BMP1: variants seen among roughly 807,000 people sequenced by gnomAD.
BMP1 encodes mammalian tolloid protein.
BMP1 carries 63 observed loss-of-function variants against 116.8 expected under a neutral mutation model. The ratio of observed to expected loss-of-function variants is 0.54; its 90% CI spans 0.44 to 0.67. The LOEUF (loss-of-function observed/expected upper bound fraction) is 0.67, where lower values mean the gene tolerates loss of function less well. Ranked by LOEUF, BMP1 falls within the 30% of genes least tolerant of loss-of-function variation. The pLI, the probability that BMP1 is intolerant of heterozygous loss-of-function variation, is 0.00. For missense variants in BMP1, 1,183 were observed against 1,358.9 expected, an observed-to-expected ratio of 0.87 and a Z score of 2.04; for synonymous variants, 536 against 533.4, an observed-to-expected ratio of 1.00 and a Z score of -0.07.
chr8:22,187,894 C>G (rs1463887569), intron 8 of BMP1, among the ~76,000 whole-genome samples: 1 of 152,142 alleles, frequency 6.6e-6, no homozygotes, highest in East Asian at 1.9e-4. Flanking sequence ...TCATTACCCT[C>G]TTAGAAATAA....
chr8:22,200,276 G>A (rs768960961), intron 15 of BMP1, among the ~76,000 whole-genome samples: 5 of 152,318 alleles, frequency 3.3e-5, no homozygotes, highest in African/African-American at 9.6e-5. Flanking sequence ...ACACGTGGCC[G>A]TTGCTCCTCT....
intron 9 of BMP1, chr8:22,192,468 C>T (rs1031946782): frequency 3.3e-5 from 8 of 245,518 alleles, no homozygotes; most frequent in South Asian, 1.8e-4. Flanking sequence ...GGCTGTTCTG[C>T]GCATCCCCAT....
rs149511609 is a variant in BMP1 at position 22,179,669 on chromosome 8, G to A, written c.837-36G>A. On this transcript the variant is annotated intron_variant, in intron 6 of 19. Transcript: ENST00000306385. This position sits in a 1 kb window ranked among gnomAD's most constrained non-coding sequence, Gnocchi z 4.6. ...CACCCACTCCCTGCCCACTGTCCAT[G>A]AGACGCTCACCCTTACTTTTCTCCC... 75 of 1,612,236 alleles carry A rather than the reference G, an allele frequency of 4.7e-5. 1 individual carries two copies. The Middle Eastern group carries it at 1.5e-3, about 32-fold the overall frequency.
At position 22,194,616 on chromosome 8, in the gene BMP1, C is replaced by A; in HGVS notation, c.1443+26C>A. On this transcript the variant is annotated intron_variant, in intron 11 of 19. Coordinates refer to ENST00000306385, the MANE Select transcript of BMP1 (RefSeq NM_006129.5). The surrounding 1 kb of genome is among the most constrained non-coding windows in gnomAD (Gnocchi z 4.5). ...GTAGGTCAGTGGCCCTGTGATCTGA[C>A]CTTTGAATCCAGCAGTTGCTCCCTG... The A allele has an allele frequency of 6.2e-7, 1 of 1,611,448 alleles. No individual in the cohort carries two copies. The highest frequency in any genetic ancestry group is 8.5e-7 in the Non-Finnish European group (1 of 1,178,076).
In BMP1 at chr8:22,194,195, C is replaced by G. The variant is rs200043574; in HGVS notation, c.1297+21C>G. On this transcript the variant is annotated intron_variant, in intron 10 of 19. Transcript: ENST00000306385. The surrounding 1 kb of genome is among the most constrained non-coding windows in gnomAD (Gnocchi z 4.5). The stretch of plus-strand genomic sequence containing the variant: ...CGAAGGTACTGAGGAAGGCGGCGGG[C>G]GGGAGGAGTCAGATAGGAGGTCTCT... The G allele has an allele frequency of 6.2e-7, 1 of 1,605,042 alleles. No individual in the cohort carries two copies. The highest frequency in any genetic ancestry group is 8.5e-7 in the Non-Finnish European group (1 of 1,171,718).
intron 13 of BMP1, 115 bp downstream of exon 13, chr8:22,195,702 A>G: frequency 1.4e-6 from 2 of 1,439,830 alleles, no homozygotes; most frequent in Non-Finnish European, 1.9e-6. Context: ...CTGGAAGTAC[A>G]GTGGCTCAAT....
chr8:22,201,487 G>A, intron 15 of BMP1: 5 of 1,399,578 alleles, frequency 3.6e-6, no homozygotes, highest in Non-Finnish European at 4.6e-6. Context: ...CTTGCAGTCT[G>A]CTTGTCCATG....
At chr8:22,185,911 A>G (rs1422000393) in intron 8 of BMP1, among the ~76,000 whole-genome samples, 1 of 146,674 alleles carries the variant, frequency 6.8e-6, no homozygotes, top group Non-Finnish European at 1.5e-5. Context: ...TCTTGGCTCA[A>G]TATAACCTCC....
chr8:22,197,480 C>T (rs1353709711), intron 15 of BMP1, 60 bp downstream of exon 15: 1 of 1,543,076 alleles, frequency 6.5e-7, no homozygotes, highest in Non-Finnish European at 8.8e-7. Flanking sequence ...GGCTCCCTTT[C>T]TCCCTGCCCC....
chr8:22,194,729 G>A lies in BMP1; in HGVS notation c.1449G>A (p.Glu483=), dbSNP rs775318890. ...GATGAAGCCTCGACCCCTAGATTGA[G>A]CGCCACGACAGCTGTGCCTACGACT... ...VGLTFQSFEI[E]RHDSCAYDYL... The change falls in exon 12 of 20, where the codon GAG becomes GAA. Residue 483 remains glutamate (E), a synonymous_variant. Transcript: ENST00000306385. This position sits in a 1 kb window ranked among gnomAD's most constrained non-coding sequence, Gnocchi z 4.5. 3 of 1,603,768 alleles carry A rather than the reference G, an allele frequency of 1.9e-6. No individual in the cohort carries two copies. In the Admixed American group the frequency reaches 5.1e-5, roughly 27 times the overall value.
intron 16 of BMP1, among the ~76,000 whole-genome samples, chr8:22,202,515 G>A (rs1829286149): frequency 6.6e-6 from 1 of 152,214 alleles, no homozygotes; most frequent in Non-Finnish European, 1.5e-5. Context: ...TCAGAACAGG[G>A]CCACTGCCTT....
chr8:22,193,358 C>T (rs1463389096), intron 9 of BMP1, among the ~76,000 whole-genome samples: 1 of 152,204 alleles, frequency 6.6e-6, no homozygotes, highest in Admixed American at 6.5e-5. Context: ...ATGTTTATTT[C>T]TGATTATATT....
Position 22,212,253 on chromosome 8 carries a change from G to T in BMP1, c.*525G>T, listed in dbSNP as rs534157555. 102 of 162,144 alleles carry T rather than the reference G, an allele frequency of 6.3e-4. No homozygotes were observed. The South Asian group carries it at 9.4e-3, about 15-fold the overall frequency. The allele number at this position is 162,144 out of a possible 1,614,324, so 10.0% of individuals were successfully genotyped here. On this transcript the variant is annotated 3_prime_UTR_variant, in exon 20 of 20. Transcript: ENST00000306385. ...GGAGGGGATGGAGAAACAAGACAGG[G>T]CTTCTCTCAGGCCCAGTGGCCGGTC...
Position 22,209,375 on chromosome 8 carries a change from T to C in BMP1, c.2576-70T>C, listed in dbSNP as rs1829420675. 2.6e-5 allele frequency: 41 copies of C among 1,577,652 alleles called. 1 individual carries two copies. In the South Asian group the frequency reaches 4.7e-4, roughly 18 times the overall value. On this transcript the variant is annotated intron_variant, in intron 18 of 19. Transcript: ENST00000306385. ...TCCATCCTGCCGTGAGGGCACGCCA[T>C]GGCATAGTGTGCCATGGGGCCTGGC... is the stretch of plus-strand genomic sequence containing the variant.
chr8:22,193,478 T>C (rs775350730), intron 9 of BMP1, among the ~76,000 whole-genome samples: 8 of 152,218 alleles, frequency 5.3e-5, no homozygotes, highest in Non-Finnish European at 1.2e-4. Flanking sequence ...ACATATATAG[T>C]TGGACATTAT....
chr8:22,177,827 C>A lies in BMP1; in HGVS notation c.731-25C>A, dbSNP rs145656850. 895 of 1,564,614 alleles carry A rather than the reference C, an allele frequency of 5.7e-4. 5 individuals carry two copies. The African/African-American group carries it at 0.01, about 18-fold the overall frequency. On this transcript the variant is annotated intron_variant, in intron 5 of 19. Transcript: ENST00000306385. ...GCAGACCCACCCCCTCCTCTCCCCC[C>A]ACACCCTTTTCCTGATCTTGGCAGG...
intron 15 of BMP1, chr8:22,199,005 C>A (rs765925384): frequency 7.6e-7 from 1 of 1,316,590 alleles, no homozygotes; most frequent in Non-Finnish European, 1.0e-6. Context: ...TCTCTTCCTG[C>A]CCTTCTGTTG....
At chr8:22,176,369 G>T in intron 3 of BMP1, 56 bp downstream of exon 3, 1 of 1,564,968 alleles carries the variant, frequency 6.4e-7, no homozygotes, top group South Asian at 1.2e-5. Flanking sequence ...CTGGCCTTGT[G>T]GCAGCCCTGC....
At chr8:22,180,767 C>T (rs1828597554) in intron 8 of BMP1, among the ~76,000 whole-genome samples, 1 of 152,210 alleles carries the variant, frequency 6.6e-6, no homozygotes, top group Non-Finnish European at 1.5e-5. Context: ...GATTTTCCTA[C>T]ATCACCTCTT....
Sources: gnomAD v4.1 joint callset for allele counts (sites outside exome capture counted in the v4.1 genomes callset) on GRCh38, gnomAD v4.1.1 for gene constraint, Gnocchi (gnomAD v3.1) non-coding constraint, MANE v1.5 for transcripts, NCBI Gene and HGNC (gene_info 2026-07-23, HGNC 2026-07-21) for gene names.